Variants in KIAA1217 observed in about 807,000 individuals in gnomAD.
The protein encoded by KIAA1217 is KIAA1217.
Under a neutral mutation model 163.9 loss-of-function variants are expected in KIAA1217, and 88 were observed. The observed-to-expected ratio is 0.54, with a 90% CI of 0.45 to 0.64. The LOEUF is 0.64. KIAA1217 is among the 30% of genes least tolerant of loss of function. KIAA1217 has a pLI of 0.00. For missense variants in KIAA1217, 2,372 were observed against 2,475.0 expected (o/e 0.96, Z 0.88); for synonymous variants, 903 against 923.1 (o/e 0.98, Z 0.39).
intron 1 of KIAA1217, among the ~76,000 whole-genome samples, chr10:23,853,574 G>A (rs1381743221): frequency 2.0e-5 from 3 of 152,146 alleles, no homozygotes; most frequent in Admixed American, 6.5e-5. Flanking sequence ...GATTGCAATA[G>A]TTTCAGAAGG....
intron 1 of KIAA1217, among the ~76,000 whole-genome samples, chr10:23,946,788 T>A (rs546057800): frequency 9.2e-5 from 14 of 152,208 alleles, no homozygotes; most frequent in Non-Finnish European, 1.8e-4. Flanking sequence ...CAGGAAGAAC[T>A]TTGGAGAGAC....
intron 2 of KIAA1217, among the ~76,000 whole-genome samples, chr10:24,314,736 A>G (rs909254669): frequency 6.6e-6 from 1 of 151,846 alleles, no homozygotes; most frequent in African/African-American, 2.4e-5. Context: ...TTGTCAGGAG[A>G]TTGAGACCAT....
At chr10:23,995,098 G>A (rs1324107388) in intron 1 of KIAA1217, among the ~76,000 whole-genome samples, 1 of 152,178 alleles carries the variant, frequency 6.6e-6, no homozygotes, top group Non-Finnish European at 1.5e-5. Context: ...GCAGAGAACA[G>A]ATTCACACTC....
Position 24,501,530 on chromosome 10 carries a change from G to A in KIAA1217, c.1986G>A (p.Gln662=), listed in dbSNP as rs781336915. The A allele has an allele frequency of 2.5e-6, 4 of 1,613,380 alleles. No individual in the cohort carries two copies. Among genetic ancestry groups the A allele is most frequent in the Non-Finnish European group, 1.7e-6 (2 of 1,179,784 alleles). ...CGGAACTCAGGCTCCAGCTCCAGCA[G>A]ATGCGGCAGCTCCAGGTATTCCTCA... is the stretch of plus-strand genomic sequence containing the variant. ...SVAELRLQLQ[Q]MRQLQLQNQE... The change falls in exon 9 of 21, where the codon CAG becomes CAA. Residue 662 remains glutamine, a synonymous_variant. Coordinates refer to ENST00000376454, the MANE Select transcript of KIAA1217 (RefSeq NM_019590.5).
At chr10:24,420,286 A>G (rs1484053911) in intron 3 of KIAA1217, among the ~76,000 whole-genome samples, 1 of 152,200 alleles carries the variant, frequency 6.6e-6, no homozygotes. Flanking sequence ...TTTTATGTCC[A>G]TAATTACTAA....
intron 1 of KIAA1217, among the ~76,000 whole-genome samples, chr10:23,955,166 CAG>C (rs1372802879): frequency 6.6e-6 from 1 of 152,110 alleles, no homozygotes; most frequent in Non-Finnish European, 1.5e-5. Flanking sequence ...CAAAAGTTCA[CAG>C]AGGGGGTAAG....
At chr10:24,302,409 AT>A (rs755620490) in intron 2 of KIAA1217, among the ~76,000 whole-genome samples, 33 of 152,130 alleles carry the variant, frequency 2.2e-4, no homozygotes, top group Middle Eastern at 3.2e-3. Context: ...AGGTTAAGTT[AT>A]TGCTGTCAGG....
intron 1 of KIAA1217, among the ~76,000 whole-genome samples, chr10:23,851,014 T>A (rs1326486322): frequency 6.6e-6 from 1 of 152,018 alleles, no homozygotes; most frequent in Non-Finnish European, 1.5e-5. Flanking sequence ...GATTACAATT[T>A]TTTTTATTAT....
At position 23,915,355 on chromosome 10, in the gene KIAA1217, G is replaced by C. The variant is rs142715205; in HGVS notation, c.-320-91870G>C. ...AAGAGTTTACCAGTGAGGGAGATGT[G>C]GGGGGGAGGGAAGTCGTGGATGTTT... On this transcript the variant is annotated intron_variant, in intron 1 of 18. Transcript: ENST00000376462. Among the ~76,000 whole-genome samples the C allele has an allele frequency of 1.6e-3, 240 of 152,160 alleles. 1 individual carries two copies. The highest frequency in any genetic ancestry group is 5.4e-3 in the African/African-American group (225 of 41,514).
intron 1 of KIAA1217, among the ~76,000 whole-genome samples, chr10:23,918,733 T>TATATACACACACAC (rs769797460): frequency 4.6e-4 from 68 of 147,580 alleles, no homozygotes; most frequent in African/African-American, 1.5e-3. Context: ...ATTAAATATA[T>TATATACACACACAC]ACACACACAC....
chr10:24,013,758 C>T (rs980853496), intron 2 of KIAA1217, among the ~76,000 whole-genome samples: 2 of 151,960 alleles, frequency 1.3e-5, no homozygotes, highest in African/African-American at 4.8e-5. Flanking sequence ...AAGAATGGGA[C>T]GCTGATTCTG....
rs74843442 is a variant in KIAA1217, at chr10:23,995,955, A to G, written c.-320-11270A>G. On this transcript the variant is annotated intron_variant, in intron 1 of 18. Transcript: ENST00000376462. ...TTGTTTCTTATTTCTCTTGAGTAAA[A>G]TGGAAGCCATGAAACAGTCCATCTC... Among the ~76,000 whole-genome samples the G allele has an allele frequency of 6.2e-3, 942 of 152,268 alleles. 10 individuals are homozygous for G. Among genetic ancestry groups the G allele is most frequent in the African/African-American group, 0.021 (883 of 41,556 alleles).
intron 3 of KIAA1217, among the ~76,000 whole-genome samples, chr10:24,431,049 T>G (rs1424740502): frequency 6.6e-6 from 1 of 152,202 alleles, no homozygotes; most frequent in Non-Finnish European, 1.5e-5. Flanking sequence ...CTGTTTTATG[T>G]TGAGTTATTC....
chr10:24,230,633 TC>T (rs1297438789), intron 2 of KIAA1217, among the ~76,000 whole-genome samples: 1 of 147,414 alleles, frequency 6.8e-6, no homozygotes, highest in Non-Finnish European at 1.5e-5. Flanking sequence ...TGCCTCAGCC[TC>T]CCAAGTACCT....
chr10:23,899,581 C>G (rs1841865955), intron 1 of KIAA1217, among the ~76,000 whole-genome samples: 1 of 152,112 alleles, frequency 6.6e-6, no homozygotes, highest in Admixed American at 6.5e-5. Flanking sequence ...TCTGTCAGCT[C>G]TTTTCCCCAT....
chr10:24,397,108 CTTTTTTTT>C (rs34660362), intron 3 of KIAA1217, among the ~76,000 whole-genome samples: 4 of 114,738 alleles, frequency 3.5e-5, no homozygotes, highest in African/African-American at 1.3e-4. Flanking sequence ...GTAAGAAACT[CTTTTTTTT>C]TTTTTTTTTT....
intron 2 of KIAA1217, among the ~76,000 whole-genome samples, chr10:24,226,355 G>C (rs11599459): frequency 6.6e-6 from 1 of 151,874 alleles, no homozygotes; most frequent in Non-Finnish European, 1.5e-5. Flanking sequence ...GACTGGGTGC[G>C]GTGGCTCACG....
intron 1 of KIAA1217, among the ~76,000 whole-genome samples, chr10:23,780,762 C>A (rs1835221627): frequency 6.6e-6 from 1 of 152,178 alleles, no homozygotes; most frequent in African/African-American, 2.4e-5. Flanking sequence ...CTCACCGCAA[C>A]CTCCGCCTCC....
At chr10:24,234,090 G>A (rs925640298) in intron 2 of KIAA1217, among the ~76,000 whole-genome samples, 1 of 151,932 alleles carries the variant, frequency 6.6e-6, no homozygotes, top group Non-Finnish European at 1.5e-5. Context: ...CAATGTTTTT[G>A]TATTAATACA....
Sources: allele counts gnomAD v4.1 joint callset (sites outside exome capture counted in the v4.1 genomes callset), GRCh38; gene constraint gnomAD v4.1.1; transcripts MANE v1.5; gene names NCBI Gene and HGNC (gene_info 2026-07-23, HGNC 2026-07-21).